The following PIK3R4 variants were observed in gnomAD, a reference collection of about 807,000 sequenced individuals.
PIK3R4 encodes the protein phosphoinositide 3-kinase regulatory subunit 4.
Under a neutral mutation model 136.5 loss-of-function variants are expected in PIK3R4, and 46 were observed. That is an observed-to-expected ratio of 0.34 (90% CI 0.27 to 0.43). The LOEUF is 0.43. Among genes scored for constraint, PIK3R4 ranks in the 20% least tolerant of loss-of-function variants. The pLI, the probability that PIK3R4 is intolerant of heterozygous loss-of-function variation, is 1.00. For missense variants in PIK3R4, 1,331 were observed against 1,649.5 expected (o/e 0.81, Z 3.35); for synonymous variants, 557 against 566.7 (o/e 0.98, Z 0.24).
intron 4 of PIK3R4, among the ~76,000 whole-genome samples, chr3:130,731,279 T>A (rs1184875801): frequency 6.6e-6 from 1 of 152,218 alleles, no homozygotes; most frequent in Non-Finnish European, 1.5e-5. Context: ...ACGTAAAGTT[T>A]AACTACCTTA....
At chr3:130,704,005 T>C (rs533240831) in intron 12 of PIK3R4, 117 bp from the exon 13 acceptor site, 4 of 674,886 alleles carry the variant, frequency 5.9e-6, no homozygotes, top group African/African-American at 3.7e-5. Context: ...ACTAAAATAT[T>C]TGAAAGTACC....
At chr3:130,681,406 C>G (rs2066457383) in intron 17 of PIK3R4, 85 bp downstream of exon 17, 1 of 905,072 alleles carries the variant, frequency 1.1e-6, no homozygotes, top group South Asian at 1.4e-5. Flanking sequence ...AAAAGCCCAA[C>G]AGATACTAGG....
rs2066458333 is a variant in PIK3R4, at chr3:130,681,551, C to G, written c.3648G>C (p.Glu1216Asp). ...GNNEVSMWDM[E>D]TGDRRFTLWA... ...AGAGAGTAAATCTTCTGTCACCAGT[C>G]TCCATGTCCCACATGGACACTTCGT... The change falls in exon 17 of 20, where the codon GAG becomes GAC. Residue 1216 changes from glutamate to aspartate, a missense_variant. Glu to Asp is a conservative substitution (Grantham distance 45). Coordinates refer to ENST00000356763, the MANE Select transcript of PIK3R4 (RefSeq NM_014602.3). 1.9e-6 allele frequency: 3 copies of G among 1,612,242 alleles called. No homozygotes were observed. The highest frequency in any genetic ancestry group is 2.5e-6 in the Non-Finnish European group (3 of 1,178,510).
intron 9 of PIK3R4, among the ~76,000 whole-genome samples, chr3:130,710,006 A>T (rs2066625823): frequency 6.6e-6 from 1 of 152,174 alleles, no homozygotes; most frequent in South Asian, 2.1e-4. Flanking sequence ...TTAAGAGTGA[A>T]TTTTATGGTA....
chr3:130,733,355 CAA>C (rs1007692150), intron 4 of PIK3R4, among the ~76,000 whole-genome samples, 191 bp downstream of exon 4: 3 of 152,102 alleles, frequency 2.0e-5, no homozygotes, highest in Admixed American at 2.0e-4. Context: ...CTGATCATTT[CAA>C]AAGTGAGAGA....
intron 12 of PIK3R4, among the ~76,000 whole-genome samples, 193 bp downstream of exon 12, chr3:130,705,368 T>C (rs2066600698): frequency 6.6e-6 from 1 of 152,214 alleles, no homozygotes; most frequent in Non-Finnish European, 1.5e-5. Context: ...AACATGACTT[T>C]GCCAGTTGTA....
Position 130,681,510 on chromosome 3 carries a change from G to A in PIK3R4, c.3689C>T (p.Pro1230Leu), listed in dbSNP as rs1341548341. 1 of 1,604,514 alleles carries A rather than the reference G, an allele frequency of 6.2e-7. No homozygotes were observed. Residue 1230 changes from proline (P) to leucine (L), a missense_variant, in exon 17 of 20, where the codon CCA (proline) becomes CTA (leucine). Around this residue, in one of 2 missense-constraint regions of PIK3R4, gnomAD observed 1,180 missense variants for 1,407.0 expected, o/e 0.84. Transcript: ENST00000356763. Reference protein sequence around the residue: ...RRFTLWASSAPPLSELQPSPH... With the variant: ...RRFTLWASSALPLSELQPSPH... ...TCAAACCTGTAATTCAGAAAGTGGT[G>A]GTGCACTGCTGGCCCAGAGAGTAAA... is the stretch of plus-strand genomic sequence containing the variant.
At chr3:130,711,501 G>A (rs1261232325) in intron 9 of PIK3R4, among the ~76,000 whole-genome samples, 1 of 152,204 alleles carries the variant, frequency 6.6e-6, no homozygotes, top group Non-Finnish European at 1.5e-5. Context: ...CTACAGAAGG[G>A]TCTCCTCAAG....
rs1205702848 is a variant in PIK3R4 at position 130,690,913 on chromosome 3, T to TC, written c.3099-260dup. ...TCTCCTCTTTTTTTTTTTTTTTTTT[T>TC]CTGAGACAGGGTCTCACTCTGTTGC... On this transcript the variant is annotated intron_variant, in intron 13 of 19. Transcript: ENST00000356763. Among the ~76,000 whole-genome samples, 205 of 147,580 alleles carry TC rather than the reference T, an allele frequency of 1.4e-3. 4 individuals are homozygous for TC. The Middle Eastern group carries it at 0.014, about 10-fold the overall frequency.
rs562097300 is a variant in PIK3R4 at position 130,728,847 on chromosome 3, A to C, written c.1586-163T>G. On this transcript the variant is annotated intron_variant, in intron 5 of 19. Coordinates refer to ENST00000356763, the MANE Select transcript of PIK3R4 (RefSeq NM_014602.3). ...TAATCACCAATTTTTTGCATTATTCAAAGCTCTGAAGGATGGGAAACTGAA... is the reference window on the plus strand; with the variant it reads ...TAATCACCAATTTTTTGCATTATTCCAAGCTCTGAAGGATGGGAAACTGAA... Among the ~76,000 whole-genome samples the C allele has an allele frequency of 9.8e-5, 15 of 152,306 alleles. No homozygotes were observed. The South Asian group carries it at 3.1e-3, about 32-fold the overall frequency.
chr3:130,690,680 T>C lies in PIK3R4; in HGVS notation c.3099-26A>G, dbSNP rs755579347. 25 of 1,467,842 alleles carry C rather than the reference T, an allele frequency of 1.7e-5. No homozygotes were observed. The East Asian group carries it at 5.8e-4, about 34-fold the overall frequency. The allele number at this position is 1,467,842 out of a possible 1,614,324, so 90.9% of individuals were successfully genotyped here. A position where few individuals can be genotyped will look rare whatever the true frequency, so the allele number is the denominator to read the frequency against. ...CTGAATGAAAGAAAAATAAAATTCA[T>C]TTATGAACCAATGTCACTGCTAATG... On this transcript the variant is annotated intron_variant, in intron 13 of 19. Transcript: ENST00000356763.
intron 2 of PIK3R4, among the ~76,000 whole-genome samples, chr3:130,737,922 T>G (rs1366057535): frequency 6.6e-6 from 1 of 152,182 alleles, no homozygotes; most frequent in East Asian, 1.9e-4. Flanking sequence ...TGCACCATGG[T>G]AAAATCAAAA....
intron 6 of PIK3R4, among the ~76,000 whole-genome samples, chr3:130,724,203 G>A (rs115245521): frequency 1.7e-3 from 253 of 152,216 alleles, no homozygotes; most frequent in African/African-American, 5.4e-3. Context: ...TAGCTATTAC[G>A]GATATGGTGA....
intron 7 of PIK3R4, among the ~76,000 whole-genome samples, chr3:130,721,130 T>C (rs987597202): frequency 6.6e-5 from 10 of 151,258 alleles, no homozygotes; most frequent in African/African-American, 2.2e-4. Flanking sequence ...GGTCAGGAGA[T>C]CGAGACCATC....
chr3:130,734,235 A>T, intron 3 of PIK3R4, 105 bp from the exon 4 acceptor site: 1 of 849,960 alleles, frequency 1.2e-6, no homozygotes, highest in Non-Finnish European at 1.8e-6. Flanking sequence ...GATCTTTCAG[A>T]ACCTGACTGC....
At chr3:130,708,632 G>A in intron 9 of PIK3R4, 140 bp from the exon 10 acceptor site, 1 of 692,898 alleles carries the variant, frequency 1.4e-6, no homozygotes, top group Non-Finnish European at 2.4e-6. Flanking sequence ...CCAAGTCCAA[G>A]TGAAAAATAA....
chr3:130,696,442 A>G (rs889410918), intron 13 of PIK3R4, among the ~76,000 whole-genome samples: 2 of 151,948 alleles, frequency 1.3e-5, no homozygotes, highest in Non-Finnish European at 2.9e-5. Flanking sequence ...GCATTATCCA[A>G]GTTTTAGTAT....
At chr3:130,707,202 C>T (rs2066610665) in intron 10 of PIK3R4, 67 bp from the exon 11 acceptor site, 1 of 1,119,812 alleles carries the variant, frequency 8.9e-7, no homozygotes, top group South Asian at 1.6e-5. Context: ...GCTTTTATTG[C>T]CTTTGGAGGG....
At chr3:130,689,319 G>A (rs974292372) in intron 14 of PIK3R4, among the ~76,000 whole-genome samples, 1 of 151,658 alleles carries the variant, frequency 6.6e-6, no homozygotes, top group Non-Finnish European at 1.5e-5. Context: ...AGGGCCTGTG[G>A]GCTCAGTCAT....
Sources: allele counts gnomAD v4.1 joint callset (sites outside exome capture counted in the v4.1 genomes callset), GRCh38; gene constraint gnomAD v4.1.1; regional missense constraint gnomAD v4.1.1; transcripts MANE v1.5; gene names NCBI Gene and HGNC (gene_info 2026-07-23, HGNC 2026-07-21).